RDM1: variants seen among roughly 807,000 people sequenced by gnomAD.
RDM1 encodes RAD52 motif-containing protein 1.
In RDM1, 28 loss-of-function variants were observed where a neutral mutation model predicts 27.7. That is an observed-to-expected ratio of 1.01 (90% confidence interval 0.75 to 1.39). The LOEUF is 1.39. Ranked by LOEUF, RDM1 falls within the 40% of genes most tolerant of loss-of-function variation. RDM1 has a pLI of 0.00. For missense variants in RDM1, 277 were observed against 337.3 expected (o/e 0.82, Z 1.40); for synonymous variants, 124 against 127.5 (o/e 0.97, Z 0.19).
intron 6 of RDM1, 22 bp from the exon 7 acceptor site, chr17:35,918,465 G>A (rs1337467582): frequency 1.3e-6 from 2 of 1,590,748 alleles, no homozygotes; most frequent in South Asian, 1.1e-5. Flanking sequence ...GCGCTAGTTA[G>A]GGTGGCAGGC....
chr17:35,920,056 T>C (rs2088884868), intron 6 of RDM1, 131 bp downstream of exon 6: 2 of 538,764 alleles, frequency 3.7e-6, no homozygotes, highest in Non-Finnish European at 3.3e-6. Context: ...CCAGAAATAC[T>C]CTGCACTCAA....
In RDM1 at chr17:35,930,105, T is replaced by TC. The variant is rs748565357; in HGVS notation, c.246dup (p.Lys83GlufsTer18). 6.2e-7 allele frequency: 1 copy of TC among 1,613,954 alleles called. No individual in the cohort carries two copies. The highest frequency in any genetic ancestry group is 1.1e-5 in the South Asian group (1 of 91,060). ...ACTGGAGATTTCTGAAAAAGCTGCT[T>TC]CCGGTCGCATGCCTTTTGGGCTCTG... On this transcript the variant is annotated frameshift_variant, in exon 2 of 7. Transcript: ENST00000620284. LOFTEE classifies it high-confidence loss of function.
At chr17:35,927,789 T>C (rs1276539878) in intron 2 of RDM1, among the ~76,000 whole-genome samples, 1 of 152,166 alleles carries the variant, frequency 6.6e-6, no homozygotes, top group Non-Finnish European at 1.5e-5. Context: ...CTAAAGCTTA[T>C]GAAATGGTCT....
rs774535357 is a variant in RDM1, at chr17:35,930,112, G to A, written c.240C>T (p.Cys80=). ...ARAAHRAQKA[C]DRKQLFQKSP... ...ATTTCTGAAAAAGCTGCTTCCGGTC[G>A]CATGCCTTTTGGGCTCTGTGGGCAG... Residue 80 remains cysteine, a synonymous_variant, in exon 2 of 7, where the codon TGC becomes TGT. Transcript: ENST00000620284. 6.2e-7 allele frequency: 1 copy of A among 1,613,998 alleles called. No individual in the cohort carries two copies. Among genetic ancestry groups the A allele is most frequent in the Admixed American group, 1.7e-5 (1 of 59,996 alleles).
At position 35,926,130 on chromosome 17, in the gene RDM1, CA is replaced by C. The variant is rs200784841; in HGVS notation, c.277-494del. Among the ~76,000 whole-genome samples the C allele has an allele frequency of 6.1e-3, 631 of 104,020 alleles. 1 individual carries two copies. Among genetic ancestry groups the C allele is most frequent in the African/African-American group, 0.015 (410 of 27,328 alleles). 68.2% of individuals were successfully genotyped at this position (104,020 alleles called of 152,430 possible). On this transcript the variant is annotated intron_variant, in intron 2 of 6. Coordinates refer to ENST00000620284, the MANE Select transcript of RDM1 (RefSeq NM_145654.4). ...CCTAGGTGACAGAGTGAGACTGTCT[CA>C]AAAAAAAAAAAAAAGGAAATACAAA...
chr17:35,930,449 A>G, intron 1 of RDM1, 183 bp downstream of exon 1: 3 of 887,570 alleles, frequency 3.4e-6, no homozygotes, highest in Non-Finnish European at 5.1e-6. Context: ...AGGTGGAGAG[A>G]TACCTCTCCG....
intron 6 of RDM1, among the ~76,000 whole-genome samples, chr17:35,919,825 A>T (rs1404527218): frequency 1.3e-5 from 2 of 152,214 alleles, no homozygotes; most frequent in Non-Finnish European, 2.9e-5. Context: ...TAGCACGATC[A>T]TTCTTAAGGC....
chr17:35,921,918 C>CTTTTTT (rs755056334), intron 5 of RDM1, among the ~76,000 whole-genome samples: 5 of 116,014 alleles, frequency 4.3e-5, no homozygotes, highest in African/African-American at 6.4e-5. Context: ...ATTAAAAAAT[C>CTTTTTT]TTTTTTTTTT....
intron 6 of RDM1, 58 bp from the exon 7 acceptor site, chr17:35,918,501 C>G: frequency 7.0e-7 from 1 of 1,430,226 alleles, no homozygotes; most frequent in Non-Finnish European, 9.8e-7. Context: ...GTCATTCATT[C>G]CAAAATGTTG....
In RDM1 at chr17:35,918,369, T is replaced by C. The variant is rs749904977; in HGVS notation, c.828A>G (p.Glu276=). Residue 276 remains glutamate (E), a synonymous_variant, in exon 7 of 7, where the codon GAA becomes GAG. Transcript: ENST00000620284. ...AGTCAAGTTCTGGCAGCCTGAACTCTTCCTCCTCCAAGCTGAAATCCGAGA... is the reference window on the plus strand; with the variant it reads ...AGTCAAGTTCTGGCAGCCTGAACTCCTCCTCCTCCAAGCTGAAATCCGAGA... ...GYLSDFSLEE[E]EFRLPELD 5.6e-6 allele frequency: 9 copies of C among 1,613,858 alleles called. No homozygotes were observed. The Admixed American group carries it at 8.3e-5, about 15-fold the overall frequency.
chr17:35,930,606 C>A, intron 1 of RDM1, 26 bp downstream of exon 1: 1 of 1,601,486 alleles, frequency 6.2e-7, no homozygotes, highest in Non-Finnish European at 8.5e-7. Flanking sequence ...TTCTCCATCC[C>A]TCCCTCCATC....
rs984215038 is a variant in RDM1, at chr17:35,918,205, G to A, written c.*137C>T. On this transcript the variant is annotated 3_prime_UTR_variant, in exon 7 of 7. Coordinates refer to ENST00000620284, the MANE Select transcript of RDM1 (RefSeq NM_145654.4). ...CCAGAACACCCCTTCCCTCCCCTTCGCCAGGAAAGATTTGGGCGGCCGACC... is the reference window on the plus strand; with the variant it reads ...CCAGAACACCCCTTCCCTCCCCTTCACCAGGAAAGATTTGGGCGGCCGACC... 13 of 677,440 alleles carry A rather than the reference G, an allele frequency of 1.9e-5. No individual in the cohort carries two copies. Among genetic ancestry groups the A allele is most frequent in the East Asian group, 2.7e-5 (1 of 37,202 alleles). 42.0% of individuals were successfully genotyped at this position (677,440 alleles called of 1,614,324 possible).
chr17:35,920,332 A>G (rs2088896683), intron 5 of RDM1, 60 bp from the exon 6 acceptor site: 1 of 820,886 alleles, frequency 1.2e-6, no homozygotes. Flanking sequence ...CTTCCTGCAT[A>G]TAATGGTAGC....
chr17:35,930,531 G>A, intron 1 of RDM1, 101 bp downstream of exon 1: 1 of 1,133,772 alleles, frequency 8.8e-7, no homozygotes. Context: ...GTCCTTCAGC[G>A]GAGGCTCAGG....
Position 35,922,625 on chromosome 17 carries a change from G to C in RDM1, c.619C>G (p.Gln207Glu). The change falls in exon 5 of 7, where the codon CAG becomes GAG. Residue 207 changes from glutamine to glutamate, a missense_variant. Physicochemically the swap from Gln to Glu is conservative, Grantham distance 29 (BLOSUM62 2). Transcript: ENST00000620284. ...KRKTAQKLAI[Q>E]KALSDAFQKL... is the part of the protein sequence containing the mutation. ...TGGAATGCATCTGACAAAGCCTTCT[G>C]AATAGCAAGCTTCTGGGCTGTCTTC... is the stretch of plus-strand genomic sequence containing the variant. 3 of 1,611,530 alleles carry C rather than the reference G, an allele frequency of 1.9e-6. No individual in the cohort carries two copies. The highest frequency in any genetic ancestry group is 1.7e-5 in the Admixed American group (1 of 59,878).
intron 6 of RDM1, among the ~76,000 whole-genome samples, chr17:35,919,761 T>C (rs534598364): frequency 6.6e-6 from 1 of 152,342 alleles, no homozygotes; most frequent in South Asian, 2.1e-4. Context: ...ACGTGAGATA[T>C]TGAGATCCAG....
chr17:35,926,918 G>A (rs2089171634), intron 2 of RDM1, among the ~76,000 whole-genome samples: 1 of 151,992 alleles, frequency 6.6e-6, no homozygotes. Context: ...CTGAAAAGAA[G>A]GAGAAATGCC....
intron 5 of RDM1, among the ~76,000 whole-genome samples, chr17:35,920,966 C>T (rs2141927363): frequency 6.6e-6 from 1 of 152,332 alleles, no homozygotes; most frequent in South Asian, 2.1e-4. Flanking sequence ...CTAGTAGACA[C>T]TTCACATTAG....
Position 35,930,139 on chromosome 17 carries a change from C to T in RDM1, c.213G>A (p.Arg71=). ...ATGCCTTTTGGGCTCTGTGGGCAGC[C>T]CTTGCAGAATAAAACTTAATGACGG... ...FYAVIKFYSA[R]AAHRAQKACD... is the part of the protein sequence containing the mutation. Residue 71 remains arginine, a synonymous_variant, in exon 2 of 7, where the codon AGG becomes AGA. Transcript: ENST00000620284. The T allele has an allele frequency of 6.2e-7, 1 of 1,614,092 alleles. No individual in the cohort carries two copies. Among genetic ancestry groups the T allele is most frequent in the Admixed American group, 1.7e-5 (1 of 60,010 alleles).
Sources: gnomAD v4.1 joint callset for allele counts (sites outside exome capture counted in the v4.1 genomes callset) on GRCh38, gnomAD v4.1.1 for gene constraint, MANE v1.5 for transcripts, NCBI Gene and HGNC (gene_info 2026-07-23, HGNC 2026-07-21) for gene names.